Variants in ZFAT observed in about 807,000 individuals in gnomAD.
The protein encoded by ZFAT is zinc finger and AT-hook domain containing.
Under a neutral mutation model 117.7 loss-of-function variants are expected in ZFAT, and 64 were observed. The ratio of observed to expected loss-of-function variants is 0.54; its 90% confidence interval spans 0.44 to 0.67. The LOEUF is 0.67. ZFAT is among the 30% of genes least tolerant of loss of function. ZFAT has a pLI of 0.00. For missense variants in ZFAT, 1,433 were observed against 1,584.5 expected (o/e 0.90, Z 1.62); for synonymous variants, 679 against 615.0 (o/e 1.10, Z -1.54).
the ZFAT span, chr8:134,793,054 T>C: frequency 6.6e-6 from 1 of 152,214 alleles, no homozygotes; most frequent in Non-Finnish European, 1.5e-5. Flanking sequence ...GGCCAGATTT[T>C]TTAGAAGACC....
the ZFAT span, among the ~76,000 whole-genome samples, chr8:134,729,721 C>G: frequency 6.6e-6 from 1 of 152,134 alleles, no homozygotes; most frequent in South Asian, 2.1e-4. Flanking sequence ...AGCAATGCCT[C>G]TGAAGCTTGA....
chr8:134,688,274 A>G (rs1247212575), intron 1 of ZFAT, among the ~76,000 whole-genome samples: 1 of 152,216 alleles, frequency 6.6e-6, no homozygotes, highest in African/African-American at 2.4e-5. Flanking sequence ...GTCCTTTAAC[A>G]CACATCTATA....
chr8:134,659,518 G>A (rs954511939), intron 1 of ZFAT, among the ~76,000 whole-genome samples: 9 of 152,210 alleles, frequency 5.9e-5, no homozygotes, highest in Non-Finnish European at 1.3e-4. Context: ...CTGCACCCAG[G>A]AAGATGCTCC....
chr8:134,601,703 C>A lies in ZFAT; in HGVS notation c.2016G>T (p.Arg672Ser), dbSNP rs368007583. ...VLSAGDPDPSRCLRSNPAEAS... is the reference protein window; with the variant it reads ...VLSAGDPDPSSCLRSNPAEAS... Reference sequence around the variant, plus strand: ...CCTCAGCTGGGTTTGACCTGAGACACCTGCTGGGATCTGGGTCACCAGCTG... The same window carrying A: ...CCTCAGCTGGGTTTGACCTGAGACAACTGCTGGGATCTGGGTCACCAGCTG... Residue 672 changes from arginine to serine, a missense_variant, in exon 6 of 16, where the codon AGG becomes AGT. By Grantham distance (110) the Arg-to-Ser change is moderately radical. Transcript: ENST00000377838. 4 of 1,613,352 alleles carry A rather than the reference C, an allele frequency of 2.5e-6. No individual in the cohort carries two copies. In the East Asian group the frequency reaches 6.7e-5, roughly 27 times the overall value.
At chr8:134,551,015 T>C (rs1286004195) in intron 11 of ZFAT, among the ~76,000 whole-genome samples, 2 of 152,156 alleles carry the variant, frequency 1.3e-5, no homozygotes, top group Non-Finnish European at 2.9e-5. Flanking sequence ...ACCTGGAAAA[T>C]GTTCTGGCTG....
At chr8:134,484,707 C>A (rs1355687393) in intron 15 of ZFAT, among the ~76,000 whole-genome samples, 1 of 152,218 alleles carries the variant, frequency 6.6e-6, no homozygotes, top group African/African-American at 2.4e-5. Context: ...ACTGGGAGAA[C>A]AGAGCCAGAA....
intron 3 of ZFAT, among the ~76,000 whole-genome samples, chr8:134,636,456 T>G (rs1830217195): frequency 6.6e-6 from 1 of 152,194 alleles, no homozygotes; most frequent in African/African-American, 2.4e-5. Flanking sequence ...CTTACTTAAT[T>G]GTCAAAGCAA....
rs191667330 is a variant in ZFAT, at chr8:134,516,677, A to G, written c.3235-4076T>C. Among the ~76,000 whole-genome samples the G allele has an allele frequency of 3.9e-5, 6 of 152,086 alleles. No individual in the cohort carries two copies. In the East Asian group the frequency reaches 1.2e-3, roughly 29 times the overall value. ...AAGAGAAATCCTGTCTCTATTTTTA[A>G]AAAATTTCAAAAAATTATAGTGCTT... On this transcript the variant is annotated intron_variant, in intron 13 of 15. Transcript: ENST00000377838.
chr8:134,653,292 CAAA>C, intron 2 of ZFAT, among the ~76,000 whole-genome samples: 1 of 102,584 alleles, frequency 9.7e-6, no homozygotes, highest in South Asian at 2.7e-4. Flanking sequence ...AAAAAAAAAA[CAAA>C]AAACAGGGTC....
chr8:134,718,402 G>A, the ZFAT span, among the ~76,000 whole-genome samples: 1 of 152,234 alleles, frequency 6.6e-6, no homozygotes, highest in East Asian at 1.9e-4. Flanking sequence ...GGAGGCTGAG[G>A]CAGGAGAATT....
the ZFAT span, among the ~76,000 whole-genome samples, chr8:134,804,518 A>G: frequency 6.6e-6 from 1 of 152,218 alleles, no homozygotes; most frequent in South Asian, 2.1e-4. Flanking sequence ...GAACTTCCAC[A>G]GAATTTACAA....
chr8:134,581,171 C>T (rs1164352042), intron 10 of ZFAT, among the ~76,000 whole-genome samples: 3 of 151,924 alleles, frequency 2.0e-5, no homozygotes, highest in Admixed American at 2.0e-4. Context: ...AAATGACTCA[C>T]CTATAGCTTA....
At chr8:134,601,115 G>C (rs982585318) in intron 6 of ZFAT, among the ~76,000 whole-genome samples, 4 of 152,178 alleles carry the variant, frequency 2.6e-5, no homozygotes, top group African/African-American at 9.7e-5. Context: ...GAGAGCTGCA[G>C]CCACTTTCAT....
intron 15 of ZFAT, among the ~76,000 whole-genome samples, chr8:134,496,595 G>A (rs550449922): frequency 1.3e-5 from 2 of 152,318 alleles, no homozygotes; most frequent in South Asian, 4.1e-4. Flanking sequence ...TGGAATTCAC[G>A]GTTTTGAATG....
At chr8:134,618,455 G>A (rs1047002273) in intron 3 of ZFAT, among the ~76,000 whole-genome samples, 3 of 152,116 alleles carry the variant, frequency 2.0e-5, no homozygotes, top group Non-Finnish European at 4.4e-5. Flanking sequence ...ATTTGAAAAA[G>A]AGTGGCTGCT....
At chr8:134,633,757 T>C (rs1009702011) in intron 3 of ZFAT, among the ~76,000 whole-genome samples, 4 of 152,214 alleles carry the variant, frequency 2.6e-5, no homozygotes, top group Non-Finnish European at 5.9e-5. Flanking sequence ...CAATAGTGCA[T>C]ACCTTGGCCA....
At chr8:134,753,820 A>C in the ZFAT span, among the ~76,000 whole-genome samples, 1 of 152,270 alleles carries the variant, frequency 6.6e-6, no homozygotes, top group Non-Finnish European at 1.5e-5. Flanking sequence ...ATATAGATTA[A>C]AATGACAACA....
the ZFAT span, among the ~76,000 whole-genome samples, chr8:134,816,882 G>A: frequency 3.3e-5 from 5 of 151,572 alleles, no homozygotes; most frequent in Non-Finnish European, 5.9e-5. Context: ...TCAGAAGGCC[G>A]AGGCAGGAGA....
intron 1 of ZFAT, among the ~76,000 whole-genome samples, chr8:134,703,264 C>T (rs1834062697): frequency 6.6e-6 from 1 of 152,212 alleles, no homozygotes; most frequent in South Asian, 2.1e-4. Context: ...TATTAAGCAT[C>T]TTTTCATACA....
Sources: allele counts gnomAD v4.1 joint callset (sites outside exome capture counted in the v4.1 genomes callset), GRCh38; gene constraint gnomAD v4.1.1; transcripts MANE v1.5; gene names NCBI Gene and HGNC (gene_info 2026-07-23, HGNC 2026-07-21).